The following TAF3 variants were observed in gnomAD, a reference collection of about 807,000 sequenced individuals.
The protein encoded by TAF3 is transcription initiation factor TFIID subunit 3.
TAF3 carries 7 observed loss-of-function variants against 80.6 expected under a neutral mutation model. The observed-to-expected ratio is 0.09, with a 90% CI of 0.05 to 0.16. TAF3 has a LOEUF of 0.16. TAF3 is among the 10% of genes least tolerant of loss of function. The pLI, the probability that TAF3 is intolerant of heterozygous loss-of-function variation, is 1.00. For synonymous variants in TAF3, 444 were observed against 446.1 expected (o/e 1.00, Z 0.06); for missense variants, 921 against 1,140.2 (o/e 0.81, Z 2.77).
At chr10:7,849,679 T>C (rs987252878) in intron 2 of TAF3, among the ~76,000 whole-genome samples, 2 of 151,990 alleles carry the variant, frequency 1.3e-5, no homozygotes, top group Non-Finnish European at 2.9e-5. Flanking sequence ...TGCGAACTTT[T>C]TTTTTTTTTC....
chr10:7,854,979 A>G (rs1336169502), intron 2 of TAF3, among the ~76,000 whole-genome samples: 1 of 152,244 alleles, frequency 6.6e-6, no homozygotes, highest in Non-Finnish European at 1.5e-5. Context: ...TTATGTCACC[A>G]TGCTAAAATT....
At chr10:7,900,508 T>G (rs1837548294) in intron 2 of TAF3, among the ~76,000 whole-genome samples, 1 of 152,176 alleles carries the variant, frequency 6.6e-6, no homozygotes, top group Non-Finnish European at 1.5e-5. Context: ...ACCACTATTG[T>G]GTGGTCCTGA....
intron 2 of TAF3, among the ~76,000 whole-genome samples, chr10:7,851,508 CTT>C (rs150789361): frequency 6.7e-6 from 1 of 149,318 alleles, no homozygotes; most frequent in Non-Finnish European, 1.5e-5. Flanking sequence ...GTTAAAACAA[CTT>C]TTTTTTTTAT....
intron 2 of TAF3, among the ~76,000 whole-genome samples, chr10:7,884,856 A>G (rs1332166134): frequency 6.6e-6 from 1 of 152,214 alleles, no homozygotes; most frequent in East Asian, 1.9e-4. Context: ...TATGTATTAA[A>G]AGCATGATTT....
chr10:7,832,060 T>A (rs1330445931), intron 2 of TAF3, among the ~76,000 whole-genome samples: 1 of 152,132 alleles, frequency 6.6e-6, no homozygotes, highest in Non-Finnish European at 1.5e-5. Flanking sequence ...TAAAACTTAC[T>A]CTCTTAATGA....
At position 7,905,056 on chromosome 10, in the gene TAF3, A is replaced by G. The variant is rs114789254; in HGVS notation, c.410-58864A>G. On this transcript the variant is annotated intron_variant, in intron 2 of 6. Transcript: ENST00000344293. The stretch of plus-strand genomic sequence containing the variant: ...TTTGAGAAGTGGAAAAACCAAAGAT[A>G]GACTGAAAGGCTCCAAGTAGTAGGA... Among the ~76,000 whole-genome samples, 862 of 152,308 alleles carry G rather than the reference A, an allele frequency of 5.7e-3. 8 individuals are homozygous for G. Among genetic ancestry groups the G allele is most frequent in the African/African-American group, 0.02 (823 of 41,548 alleles).
At chr10:7,831,841 C>G (rs1260861287) in intron 2 of TAF3, among the ~76,000 whole-genome samples, 1 of 151,980 alleles carries the variant, frequency 6.6e-6, no homozygotes, top group Non-Finnish European at 1.5e-5. Context: ...ATTATCTGTC[C>G]AGGAAACCCT....
chr10:7,879,354 G>T (rs1439066379), intron 2 of TAF3, among the ~76,000 whole-genome samples: 1 of 152,086 alleles, frequency 6.6e-6, no homozygotes, highest in Non-Finnish European at 1.5e-5. Flanking sequence ...TATGGTTTCA[G>T]TTGGTAACAT....
chr10:7,955,033 G>A (rs957275734), intron 2 of TAF3, among the ~76,000 whole-genome samples: 8 of 152,116 alleles, frequency 5.3e-5, no homozygotes, highest in Non-Finnish European at 1.2e-4. Flanking sequence ...TTAACACAGA[G>A]CTCTCCATAG....
At chr10:7,823,630 A>G (rs1181595413) in intron 1 of TAF3, among the ~76,000 whole-genome samples, 1 of 134,972 alleles carries the variant, frequency 7.4e-6, no homozygotes, top group Non-Finnish European at 1.6e-5. Flanking sequence ...GCAAGATGCC[A>G]TCTCTTTTTT....
Position 7,824,505 on chromosome 10 carries a change from G to A in TAF3, c.354G>A (p.Glu118=), listed in dbSNP as rs2131098506. The stretch of plus-strand genomic sequence containing the variant: ...CTCAACCTGGAAGTAAAGATGCAGA[G>A]GAAAGAAAAGAATACATTCCTGATT... ...QFPQPGSKDA[E]ERKEYIPDYL... is the part of the protein sequence containing the mutation. The change falls in exon 2 of 7, where the codon GAG becomes GAA. Residue 118 remains glutamate, a synonymous_variant. Transcript: ENST00000344293. The A allele has an allele frequency of 6.2e-7, 1 of 1,614,120 alleles. No individual in the cohort carries two copies. Among genetic ancestry groups the A allele is most frequent in the East Asian group, 2.2e-5 (1 of 44,876 alleles).
At chr10:7,846,379 G>A (rs1836973199) in intron 2 of TAF3, among the ~76,000 whole-genome samples, 1 of 152,108 alleles carries the variant, frequency 6.6e-6, no homozygotes, top group Non-Finnish European at 1.5e-5. Flanking sequence ...TTAAAATAAT[G>A]TTTCTAATTT....
chr10:7,837,272 A>AT (rs1213458895), intron 2 of TAF3, among the ~76,000 whole-genome samples: 1 of 150,444 alleles, frequency 6.6e-6, no homozygotes, highest in East Asian at 2.0e-4. Context: ...CTGAGGCAGG[A>AT]GAATTGCTTG....
At chr10:7,920,810 T>C (rs763722832) in intron 2 of TAF3, among the ~76,000 whole-genome samples, 7 of 152,246 alleles carry the variant, frequency 4.6e-5, no homozygotes, top group African/African-American at 7.2e-5. Context: ...TTTGGTAGCA[T>C]TGAAATAGAA....
rs181938890 is a variant in TAF3, at chr10:7,923,684, T to G, written c.410-40236T>G. Among the ~76,000 whole-genome samples the G allele has an allele frequency of 2.9e-3, 440 of 151,994 alleles. 3 individuals carry two copies. The highest frequency in any genetic ancestry group is 0.01 in the African/African-American group (425 of 41,520). On this transcript the variant is annotated intron_variant, in intron 2 of 6. Transcript: ENST00000344293. Reference sequence around the variant, plus strand: ...GTAGCGGATACCTGATGGCAAAACTTTTTTGAAAAGAGTACCTCCCTGCTT... The same window carrying G: ...GTAGCGGATACCTGATGGCAAAACTGTTTTGAAAAGAGTACCTCCCTGCTT...
rs576273579 is a variant in TAF3, at chr10:7,949,294, G to A, written c.410-14626G>A. ...AATAAAGCACAGCCGGAAATAAAGA[G>A]TGGGCTGCTTAGCACTGTCCCCAGG... On this transcript the variant is annotated intron_variant, in intron 2 of 6. Transcript: ENST00000344293. 9.2e-5 allele frequency among the ~76,000 whole-genome samples: 14 copies of A among 152,388 alleles called. No homozygotes were observed. The South Asian group carries it at 2.9e-3, about 32-fold the overall frequency.
chr10:7,822,966 G>T (rs1836704272), intron 1 of TAF3, among the ~76,000 whole-genome samples: 1 of 151,960 alleles, frequency 6.6e-6, no homozygotes, highest in Non-Finnish European at 1.5e-5. Context: ...TATCTTTATG[G>T]CTAGGCATGT....
At chr10:7,840,832 T>C (rs867607226) in intron 2 of TAF3, among the ~76,000 whole-genome samples, 1 of 152,122 alleles carries the variant, frequency 6.6e-6, no homozygotes, top group Non-Finnish European at 1.5e-5. Flanking sequence ...CTTTGCTATT[T>C]CATGTTTTCT....
At chr10:7,869,449 G>T (rs1457777079) in intron 2 of TAF3, among the ~76,000 whole-genome samples, 1 of 152,190 alleles carries the variant, frequency 6.6e-6, no homozygotes, top group East Asian at 1.9e-4. Flanking sequence ...GTCTTTCCAT[G>T]TCTGTTAACT....
Sources: allele counts gnomAD v4.1 joint callset (sites outside exome capture counted in the v4.1 genomes callset), GRCh38; gene constraint gnomAD v4.1.1; transcripts MANE v1.5; gene names NCBI Gene and HGNC (gene_info 2026-07-23, HGNC 2026-07-21).